Variants in SEL1L3 observed in about 807,000 individuals in gnomAD.
SEL1L3 encodes the protein SEL1L family member 3.
SEL1L3 carries 76 observed loss-of-function variants against 142.8 expected under a neutral mutation model. That is an observed-to-expected ratio of 0.53 (90% CI 0.44 to 0.64). The LOEUF is 0.64. SEL1L3 is among the 30% of genes least tolerant of loss of function. The pLI is 0.00. For synonymous variants in SEL1L3, 504 were observed against 519.6 expected (o/e 0.97, Z 0.41); for missense variants, 1,262 against 1,381.7 (o/e 0.91, Z 1.37).
chr4:25,838,671 C>T (rs938365373), intron 2 of SEL1L3, among the ~76,000 whole-genome samples: 2 of 152,204 alleles, frequency 1.3e-5, no homozygotes, highest in Non-Finnish European at 2.9e-5. Flanking sequence ...CTGGCCCCTC[C>T]TTCAAGTTAG....
At position 25,792,436 on chromosome 4, in the gene SEL1L3, T is replaced by C. The variant is rs562560006; in HGVS notation, c.1957-1862A>G. 2.0e-5 allele frequency among the ~76,000 whole-genome samples: 3 copies of C among 152,332 alleles called. No individual in the cohort carries two copies. In the South Asian group the frequency reaches 6.2e-4, roughly 32 times the overall value. On this transcript the variant is annotated intron_variant, in intron 11 of 23. Coordinates refer to ENST00000399878, the MANE Select transcript of SEL1L3 (RefSeq NM_015187.5). ...AATCCAATCTGGGCACAGACCACTCTATCTGGTCCACGCTTGGCCAAGCTT... is the reference window on the plus strand; with the variant it reads ...AATCCAATCTGGGCACAGACCACTCCATCTGGTCCACGCTTGGCCAAGCTT...
intron 17 of SEL1L3, among the ~76,000 whole-genome samples, chr4:25,768,873 ACACACACATG>A (rs1356275366): frequency 6.6e-6 from 1 of 152,198 alleles, no homozygotes; most frequent in Non-Finnish European, 1.5e-5. Flanking sequence ...ATATAACTGA[ACACACACATG>A]CACACACATA....
chr4:25,797,570 G>A (rs1295987963), intron 11 of SEL1L3, among the ~76,000 whole-genome samples: 1 of 152,184 alleles, frequency 6.6e-6, no homozygotes, highest in African/African-American at 2.4e-5. Flanking sequence ...CACATACGAT[G>A]GTGGTGCTGC....
chr4:25,803,822 G>A (rs1362076081), intron 10 of SEL1L3, among the ~76,000 whole-genome samples: 1 of 150,876 alleles, frequency 6.6e-6, no homozygotes, highest in African/African-American at 2.4e-5. Flanking sequence ...TCCTGCCCTT[G>A]GACTGGAATT....
Position 25,793,438 on chromosome 4 carries a change from C to T in SEL1L3, c.1957-2864G>A, listed in dbSNP as rs138449211. ...AGCTGAGACCACAGGCATGCACCAC[C>T]AAGCCCAGCTATTTTTTTTGTATTT... On this transcript the variant is annotated intron_variant, in intron 11 of 23. Coordinates refer to ENST00000399878, the MANE Select transcript of SEL1L3 (RefSeq NM_015187.5). 6.6e-3 allele frequency among the ~76,000 whole-genome samples: 1,003 copies of T among 152,186 alleles called. 11 individuals carry two copies. Among genetic ancestry groups the T allele is most frequent in the African/African-American group, 0.023 (959 of 41,522 alleles).
intron 9 of SEL1L3, among the ~76,000 whole-genome samples, chr4:25,805,396 T>A (rs1713486277): frequency 6.6e-6 from 1 of 152,208 alleles, no homozygotes; most frequent in Non-Finnish European, 1.5e-5. Flanking sequence ...TGGAGAAGAA[T>A]AACTTGTCTA....
intron 11 of SEL1L3, among the ~76,000 whole-genome samples, chr4:25,801,299 A>G (rs889004179): frequency 6.6e-6 from 1 of 152,226 alleles, no homozygotes; most frequent in Non-Finnish European, 1.5e-5. Flanking sequence ...GCAACTCAGG[A>G]GGCTGAGGCA....
chr4:25,826,928 T>G (rs1715134021), intron 6 of SEL1L3, among the ~76,000 whole-genome samples: 1 of 152,118 alleles, frequency 6.6e-6, no homozygotes, highest in Non-Finnish European at 1.5e-5. Context: ...CCTCCCAAAG[T>G]GCTGGGATTA....
chr4:25,721,912 C>A, the SEL1L3 span, among the ~76,000 whole-genome samples: 205 of 152,278 alleles, frequency 1.3e-3, 1 homozygote, highest in Non-Finnish European at 1.1e-3. Flanking sequence ...TGCTTTCGAG[C>A]CTTTTTGCCA....
the SEL1L3 span, among the ~76,000 whole-genome samples, chr4:25,734,580 T>C: frequency 6.6e-6 from 1 of 150,946 alleles, no homozygotes. Flanking sequence ...TTGTATCTTC[T>C]TTTTTTTTGA....
intron 1 of SEL1L3, chr4:25,860,645 T>A (rs1717639585): frequency 6.6e-6 from 1 of 152,150 alleles, no homozygotes; most frequent in Non-Finnish European, 1.5e-5. Flanking sequence ...GGCTCTCTTG[T>A]TTATCAAAGT....
intron 19 of SEL1L3, among the ~76,000 whole-genome samples, chr4:25,767,003 T>C (rs963424587): frequency 6.6e-6 from 1 of 152,080 alleles, no homozygotes; most frequent in African/African-American, 2.4e-5. Flanking sequence ...TCAGAAGAAA[T>C]GTTGGGGGCC....
At chr4:25,819,685 G>T in intron 8 of SEL1L3, 123 bp downstream of exon 8, 1 of 845,232 alleles carries the variant, frequency 1.2e-6, no homozygotes, top group Non-Finnish European at 1.8e-6. Flanking sequence ...GGTCACACTT[G>T]TCCCATCTGG....
intron 1 of SEL1L3, 101 bp from the exon 2 acceptor site, chr4:25,847,965 T>A: frequency 1.3e-6 from 1 of 773,124 alleles, no homozygotes; most frequent in Non-Finnish European, 2.1e-6. Flanking sequence ...AAAATATCAA[T>A]CTACATAAAG....
In SEL1L3 at chr4:25,782,535, A is replaced by G. The variant is rs1009300423; in HGVS notation, c.2281-117T>C. ...CTGAACAAAACCTTCCCTTTCTCTT[A>G]TTTTGGAGCAGATGGCATTAAAGAA... On this transcript the variant is annotated intron_variant, in intron 14 of 23. Coordinates refer to ENST00000399878, the MANE Select transcript of SEL1L3 (RefSeq NM_015187.5). 4 of 869,214 alleles carry G rather than the reference A, an allele frequency of 4.6e-6. No homozygotes were observed. In the African/African-American group the frequency reaches 6.8e-5, roughly 15 times the overall value. The allele number at this position is 869,214 out of a possible 1,614,324, so 53.8% of individuals were successfully genotyped here. A position where few individuals can be genotyped will look rare whatever the true frequency, so the allele number is the denominator to read the frequency against.
chr4:25,788,487 C>T lies in SEL1L3; in HGVS notation c.2077-123G>A, dbSNP rs1206690507. 2 of 1,005,850 alleles carry T rather than the reference C, an allele frequency of 2.0e-6. No individual in the cohort carries two copies. The highest frequency in any genetic ancestry group is 2.6e-5 in the East Asian group (1 of 39,102). The allele number at this position is 1,005,850 out of a possible 1,614,324, so 62.3% of individuals were successfully genotyped here. A position where few individuals can be genotyped will look rare whatever the true frequency, so the allele number is the denominator to read the frequency against. On this transcript the variant is annotated intron_variant, in intron 12 of 23. Transcript: ENST00000399878. This position sits in a 1 kb window ranked among gnomAD's most constrained non-coding sequence, Gnocchi z 5.3. ...TAGATTGAGAACCAAGGATTAGATA[C>T]ACTTTATCTTCCAACTGGAGGCCAG...
rs62410854 is a variant in SEL1L3 at position 25,755,596 on chromosome 4, G to T, written c.3259+1938C>A. Among the ~76,000 whole-genome samples the T allele has an allele frequency of 2.8e-3, 432 of 152,208 alleles. 2 individuals carry two copies. The highest frequency in any genetic ancestry group is 5.1e-3 in the Non-Finnish European group (346 of 68,022). On this transcript the variant is annotated intron_variant, in intron 23 of 23. Transcript: ENST00000399878. ...AATTGAAAAAGTTTGAGAAAATGAC[G>T]AAAATGTATGAAAGAACTATGGGGA...
At chr4:25,744,557 T>C (rs1240486851), downstream of SEL1L3, among the ~76,000 whole-genome samples, 1 of 152,088 alleles carries the variant, frequency 6.6e-6, no homozygotes, top group Non-Finnish European at 1.5e-5. Flanking sequence ...TTTCACCACG[T>C]TGGCCAGGCT....
chr4:25,836,372 C>A (rs570116548), intron 2 of SEL1L3, among the ~76,000 whole-genome samples: 1 of 152,246 alleles, frequency 6.6e-6, no homozygotes, highest in Non-Finnish European at 1.5e-5. Flanking sequence ...CTTGGCTGGG[C>A]GTGGTGGCTC....
Sources: gnomAD v4.1 joint callset for allele counts (sites outside exome capture counted in the v4.1 genomes callset) on GRCh38, gnomAD v4.1.1 for gene constraint, Gnocchi (gnomAD v3.1) non-coding constraint, MANE v1.5 for transcripts, NCBI Gene and HGNC (gene_info 2026-07-23, HGNC 2026-07-21) for gene names.